The following ATG10 variants were observed in gnomAD, a reference collection of about 807,000 sequenced individuals.
ATG10 encodes the protein ubiquitin-like-conjugating enzyme ATG10.
ATG10 carries 30 observed loss-of-function variants against 32.1 expected under a neutral mutation model. The ratio of observed to expected loss-of-function variants is 0.94; its 90% confidence interval spans 0.70 to 1.27. The LOEUF is 1.27. Among genes scored for constraint, ATG10 ranks in the 50% most tolerant of loss-of-function variants. ATG10 has a pLI of 0.00. For synonymous variants in ATG10, 87 were observed against 91.5 expected, an observed-to-expected ratio of 0.95 and a Z score of 0.28; for missense variants, 233 against 262.3, an observed-to-expected ratio of 0.89 and a Z score of 0.77.
At chr5:82,134,980 C>A (rs1301186000) in intron 3 of ATG10, among the ~76,000 whole-genome samples, 1 of 147,648 alleles carries the variant, frequency 6.8e-6, no homozygotes, top group South Asian at 2.2e-4. Flanking sequence ...GGAAATTATC[C>A]ATTTCTTCTA....
Position 82,097,019 on chromosome 5 carries a change from C to T in ATG10, c.216+38417C>T, listed in dbSNP as rs545457900. On this transcript the variant is annotated intron_variant, in intron 3 of 7. Transcript: ENST00000282185. ...GCTTAGTAGTGTGTGCATTGTGAAG[C>T]AATAATATATCTAAATTAAGCAAAA... Among the ~76,000 whole-genome samples, 11 of 152,126 alleles carry T rather than the reference C, an allele frequency of 7.2e-5. No individual in the cohort carries two copies. The East Asian group carries it at 2.1e-3, about 29-fold the overall frequency.
At chr5:82,122,550 T>C (rs1227419672) in intron 3 of ATG10, among the ~76,000 whole-genome samples, 3 of 152,186 alleles carry the variant, frequency 2.0e-5, no homozygotes, top group Admixed American at 6.5e-5. Flanking sequence ...CAACAGAAAC[T>C]ATCAACAGAG....
At chr5:82,207,903 T>A (rs1351946697) in intron 5 of ATG10, among the ~76,000 whole-genome samples, 3 of 152,230 alleles carry the variant, frequency 2.0e-5, no homozygotes, top group African/African-American at 4.8e-5. Flanking sequence ...ATGTGACTGT[T>A]AACTGTGTTA....
At chr5:82,004,082 G>T (rs771682873) in intron 2 of ATG10, among the ~76,000 whole-genome samples, 5 of 151,734 alleles carry the variant, frequency 3.3e-5, no homozygotes, top group Admixed American at 3.3e-4. Flanking sequence ...GCAGTGAGCC[G>T]AGATTGTGCT....
intron 5 of ATG10, among the ~76,000 whole-genome samples, chr5:82,182,756 G>A (rs528708578): frequency 7.2e-5 from 11 of 152,238 alleles, no homozygotes; most frequent in African/African-American, 1.7e-4. Context: ...TAAAGGCAAC[G>A]TGAGGGAACC....
Position 81,987,627 on chromosome 5 carries a change from C to A in ATG10, c.57C>A (p.Phe19Leu). The A allele has an allele frequency of 6.2e-7, 1 of 1,612,916 alleles. No individual in the cohort carries two copies. Among genetic ancestry groups the A allele is most frequent in the Non-Finnish European group, 8.5e-7 (1 of 1,179,560 alleles). ...CATTCCAACGTTATTGTGCAGAATT[C>A]ATTAAACATTCACAACAGATAGGTG... ...EKTFQRYCAEFIKHSQQIGDS... is the reference protein window; with the variant it reads ...EKTFQRYCAELIKHSQQIGDS... The change falls in exon 2 of 8, where the codon TTC becomes TTA. Residue 19 changes from phenylalanine to leucine, a missense_variant. Coordinates refer to ENST00000282185, the MANE Select transcript of ATG10 (RefSeq NM_031482.5).
At chr5:82,198,419 T>C (rs2149958100) in intron 5 of ATG10, among the ~76,000 whole-genome samples, 1 of 152,242 alleles carries the variant, frequency 6.6e-6, no homozygotes, top group Middle Eastern at 3.4e-3. Flanking sequence ...TGCACCACCA[T>C]GCCTGGCTAA....
chr5:82,022,874 C>CT (rs1762483777), intron 2 of ATG10, among the ~76,000 whole-genome samples: 1 of 151,884 alleles, frequency 6.6e-6, no homozygotes, highest in African/African-American at 2.4e-5. Context: ...AGATTATTGT[C>CT]TTAACTCCTA....
At chr5:82,005,142 A>T (rs1761957074) in intron 2 of ATG10, among the ~76,000 whole-genome samples, 1 of 152,154 alleles carries the variant, frequency 6.6e-6, no homozygotes, top group African/African-American at 2.4e-5. Context: ...AATGTGGCAA[A>T]ATCTTCAAAT....
At chr5:81,989,283 G>A (rs1186226332) in intron 2 of ATG10, among the ~76,000 whole-genome samples, 1 of 152,244 alleles carries the variant, frequency 6.6e-6, no homozygotes, top group Non-Finnish European at 1.5e-5. Flanking sequence ...GGAACGAACA[G>A]TTTGGGTTGG....
intron 2 of ATG10, among the ~76,000 whole-genome samples, chr5:82,051,700 T>C (rs1450720223): frequency 6.6e-6 from 1 of 152,120 alleles, no homozygotes; most frequent in African/African-American, 2.4e-5. Context: ...TCAGTGTTAC[T>C]GGGATTGGGT....
intron 3 of ATG10, among the ~76,000 whole-genome samples, chr5:82,117,577 A>G (rs971717895): frequency 9.8e-4 from 149 of 152,202 alleles, no homozygotes; most frequent in African/African-American, 3.3e-3. Flanking sequence ...GGCACTCTCA[A>G]AGTACACTAT....
rs541221171 is a variant in ATG10, at chr5:82,018,365, T to C, written c.108+30687T>C. 5.9e-5 allele frequency among the ~76,000 whole-genome samples: 9 copies of C among 152,320 alleles called. No individual in the cohort carries two copies. The East Asian group carries it at 1.5e-3, about 26-fold the overall frequency. On this transcript the variant is annotated intron_variant, in intron 2 of 7. Coordinates refer to ENST00000282185, the MANE Select transcript of ATG10 (RefSeq NM_031482.5). ...GTCATCATCTTCCCTGCTACCACCC[T>C]GGTATAAACTATCGTCAACTCTTAC... is the stretch of plus-strand genomic sequence containing the variant.
In ATG10 at chr5:82,122,366, G is replaced by A. The variant is rs1766079557; in HGVS notation, c.217-42033G>A. Among the ~76,000 whole-genome samples the A allele has an allele frequency of 2.0e-5, 3 of 151,978 alleles. No homozygotes were observed. In the South Asian group the frequency reaches 6.2e-4, roughly 32 times the overall value. ...ACATCGTATACAAAAATCGACTCAC[G>A]GTGGATTAGAGACTTAAATGTGAAA... On this transcript the variant is annotated intron_variant, in intron 3 of 7. Coordinates refer to ENST00000282185, the MANE Select transcript of ATG10 (RefSeq NM_031482.5).
intron 2 of ATG10, among the ~76,000 whole-genome samples, chr5:82,013,397 T>A (rs1048489940): frequency 1.3e-5 from 2 of 152,238 alleles, no homozygotes; most frequent in African/African-American, 4.8e-5. Flanking sequence ...AATGCCATTA[T>A]TTTGTTCCTT....
chr5:82,008,324 A>G (rs964329256), intron 2 of ATG10, among the ~76,000 whole-genome samples: 9 of 152,122 alleles, frequency 5.9e-5, no homozygotes, highest in African/African-American at 1.9e-4. Context: ...GGAGATTAGG[A>G]GAAAAATGCA....
chr5:82,116,527 G>A (rs1765815404), intron 3 of ATG10, among the ~76,000 whole-genome samples: 1 of 152,008 alleles, frequency 6.6e-6, no homozygotes, highest in Admixed American at 6.6e-5. Flanking sequence ...TATGTATATT[G>A]CAAATGTCTA....
intron 3 of ATG10, among the ~76,000 whole-genome samples, chr5:82,135,067 G>A (rs1354846178): frequency 1.3e-5 from 2 of 151,738 alleles, no homozygotes; most frequent in Non-Finnish European, 2.9e-5. Context: ...GATTGGTGGT[G>A]ATCTCCCCTT....
chr5:82,125,450 G>A (rs145323950), intron 3 of ATG10, among the ~76,000 whole-genome samples: 1,873 of 152,160 alleles, frequency 0.012, 26 homozygotes, highest in African/African-American at 0.042. Context: ...TAATTTTTGC[G>A]TAATGTGTAA....
Sources: allele counts gnomAD v4.1 joint callset (sites outside exome capture counted in the v4.1 genomes callset), GRCh38; gene constraint gnomAD v4.1.1; transcripts MANE v1.5; gene names NCBI Gene and HGNC (gene_info 2026-07-23, HGNC 2026-07-21).